The following SAMD5 variants were observed in gnomAD, a reference collection of about 807,000 sequenced individuals.
The protein encoded by SAMD5 is sterile alpha motif domain-containing protein 5.
SAMD5 carries 13 observed loss-of-function variants against 11.3 expected under a neutral mutation model. The ratio of observed to expected loss-of-function variants is 1.15; its 90% CI spans 0.75 to 1.83. The LOEUF (loss-of-function observed/expected upper bound fraction) is 1.83. Among genes scored for constraint, SAMD5 ranks in the 40% most tolerant of loss-of-function variants. The pLI is 0.00. For synonymous variants in SAMD5, 129 were observed against 111.3 expected (o/e 1.16, Z -1.00); for missense variants, 255 against 239.1 (o/e 1.07, Z -0.44).
the SAMD5 span, among the ~76,000 whole-genome samples, chr6:147,819,779 G>C: frequency 3.9e-5 from 6 of 152,212 alleles, no homozygotes; most frequent in African/African-American, 1.4e-4. Context: ...GCAGGGATTG[G>C]GGCTCAAGGA....
the SAMD5 span, among the ~76,000 whole-genome samples, chr6:147,759,584 T>A: frequency 1.3e-5 from 2 of 149,974 alleles, no homozygotes; most frequent in South Asian, 4.1e-4. Context: ...TATATTATTT[T>A]TATATATTTA....
At chr6:147,520,298 A>G (rs1788232574) in intron 1 of SAMD5, among the ~76,000 whole-genome samples, 1 of 151,976 alleles carries the variant, frequency 6.6e-6, no homozygotes, top group Non-Finnish European at 1.5e-5. Context: ...TTGTATTTTT[A>G]GTAGAGATTA....
At chr6:147,808,392 T>G in the SAMD5 span, among the ~76,000 whole-genome samples, 1,076 of 152,206 alleles carry the variant, frequency 7.1e-3, 13 homozygotes, top group African/African-American at 0.024. Flanking sequence ...TTTGTAGAGA[T>G]AGAGTCTCAC....
intron 1 of SAMD5, among the ~76,000 whole-genome samples, chr6:147,585,112 C>G (rs1431933465): frequency 6.6e-6 from 1 of 152,120 alleles, no homozygotes; most frequent in Non-Finnish European, 1.5e-5. Flanking sequence ...GCCACTCTTA[C>G]TTATGAGAGG....
the SAMD5 span, among the ~76,000 whole-genome samples, chr6:147,762,706 A>G: frequency 6.6e-6 from 1 of 152,212 alleles, no homozygotes; most frequent in Non-Finnish European, 1.5e-5. Flanking sequence ...CTTGCCTGAA[A>G]TAGTAGCAGA....
At chr6:147,927,717 T>C in the SAMD5 span, among the ~76,000 whole-genome samples, 2 of 152,152 alleles carry the variant, frequency 1.3e-5, no homozygotes, top group South Asian at 2.1e-4. Flanking sequence ...ATGGGAGTGA[T>C]GAGAGAGGGC....
At chr6:147,720,994 C>T (rs1402672935) in intron 1 of SAMD5, among the ~76,000 whole-genome samples, 5 of 119,028 alleles carry the variant, frequency 4.2e-5, no homozygotes, top group Middle Eastern at 3.8e-3. Context: ...TGATGATTTC[C>T]AATTTCATCC....
the SAMD5 span, among the ~76,000 whole-genome samples, chr6:147,893,647 A>C: frequency 6.6e-6 from 1 of 152,236 alleles, no homozygotes; most frequent in South Asian, 2.1e-4. Context: ...GGATCTATTG[A>C]CACTATTGCT....
chr6:147,765,190 T>A, the SAMD5 span, among the ~76,000 whole-genome samples: 1 of 152,064 alleles, frequency 6.6e-6, no homozygotes, highest in Non-Finnish European at 1.5e-5. Flanking sequence ...ACCTTGGAAA[T>A]CTTGTTTTAT....
intron 1 of SAMD5, among the ~76,000 whole-genome samples, chr6:147,616,830 C>A (rs1239562396): frequency 1.3e-5 from 2 of 152,122 alleles, no homozygotes; most frequent in Non-Finnish European, 2.9e-5. Context: ...ACTTTTAAAC[C>A]ATCAGATTTT....
chr6:147,540,065 G>A (rs1209637923), intron 1 of SAMD5, among the ~76,000 whole-genome samples: 4 of 151,782 alleles, frequency 2.6e-5, no homozygotes, highest in African/African-American at 9.7e-5. Flanking sequence ...TTAAAGAGAT[G>A]GTGAGCAGTT....
intron 1 of SAMD5, among the ~76,000 whole-genome samples, chr6:147,622,330 CTA>C (rs1282105795): frequency 6.6e-6 from 1 of 152,160 alleles, no homozygotes; most frequent in Non-Finnish European, 1.5e-5. Flanking sequence ...TCATTATACT[CTA>C]TTTTTATATG....
At chr6:147,751,532 A>G in the SAMD5 span, among the ~76,000 whole-genome samples, 4 of 152,300 alleles carry the variant, frequency 2.6e-5, no homozygotes, top group East Asian at 7.7e-4. Flanking sequence ...AATTATTGCA[A>G]CCACAAAATA....
chr6:147,552,152 C>T (rs1025666456), intron 1 of SAMD5, among the ~76,000 whole-genome samples: 1 of 152,074 alleles, frequency 6.6e-6, no homozygotes, highest in Non-Finnish European at 1.5e-5. Context: ...TGTTTAATGT[C>T]TTTGCTGCAG....
the SAMD5 span, among the ~76,000 whole-genome samples, chr6:147,780,363 AC>A: frequency 6.6e-6 from 1 of 151,728 alleles, no homozygotes; most frequent in Non-Finnish European, 1.5e-5. Flanking sequence ...GCCCGCCACC[AC>A]CCCTGGCTAA....
intron 1 of SAMD5, among the ~76,000 whole-genome samples, chr6:147,693,957 A>C (rs962135875): frequency 3.3e-5 from 5 of 152,180 alleles, no homozygotes; most frequent in African/African-American, 9.7e-5. Flanking sequence ...TGAGAGTGAG[A>C]CTTTGTCTCA....
In SAMD5 at chr6:147,509,374, C is replaced by A; in HGVS notation, c.446C>A (p.Pro149Gln). The A allele has an allele frequency of 6.4e-7, 1 of 1,556,696 alleles. No individual in the cohort carries two copies. Among genetic ancestry groups the A allele is most frequent in the East Asian group, 2.5e-5 (1 of 39,730 alleles). The change falls in exon 1 of 2, where the codon CCG (proline) becomes CAG (glutamine). Residue 149 changes from proline (P) to glutamine (Q), a missense_variant. Transcript: ENST00000367474. ...VRDGIHLSKP[P>Q]YSRKVPMAGI... ...GACGGCATCCACCTGAGCAAGCCCC[C>A]GTACTCCCGCAAGGTAAGGAGGTGC...
At chr6:147,559,813 G>A (rs1788918733) in intron 1 of SAMD5, among the ~76,000 whole-genome samples, 1 of 152,150 alleles carries the variant, frequency 6.6e-6, no homozygotes, top group Admixed American at 6.5e-5. Flanking sequence ...AATAGAAAAA[G>A]AGCATATCAG....
At chr6:147,698,484 C>T (rs1379801769) in intron 1 of SAMD5, among the ~76,000 whole-genome samples, 1 of 152,106 alleles carries the variant, frequency 6.6e-6, no homozygotes, top group East Asian at 1.9e-4. Context: ...ATGTGATGTC[C>T]TGTGGAAAAA....
Sources: allele counts gnomAD v4.1 joint callset (sites outside exome capture counted in the v4.1 genomes callset), GRCh38; gene constraint gnomAD v4.1.1; transcripts MANE v1.5; gene names NCBI Gene and HGNC (gene_info 2026-07-23, HGNC 2026-07-21).